HYCC2: variants seen among roughly 807,000 people sequenced by gnomAD.
HYCC2 encodes the protein hyccin 2.
the HYCC2 span, chr2:201,009,503 A>T: frequency 6.4e-6 from 1 of 156,972 alleles, no homozygotes; most frequent in Non-Finnish European, 1.4e-5. Context: ...TCTGTCTCCC[A>T]GGTTGGAGTG....
At chr2:201,028,180 CAA>C in the HYCC2 span, among the ~76,000 whole-genome samples, 28 of 152,204 alleles carry the variant, frequency 1.8e-4, no homozygotes, top group East Asian at 5.2e-3. Context: ...AACAAACAAA[CAA>C]AGAGCCAAAT....
chr2:200,996,672 C>A, the HYCC2 span: 1 of 152,146 alleles, frequency 6.6e-6, no homozygotes, highest in Non-Finnish European at 1.5e-5. Context: ...AGATTATAAT[C>A]CATGAGATAC....
the HYCC2 span, among the ~76,000 whole-genome samples, chr2:201,064,573 G>A: frequency 1.3e-5 from 2 of 152,056 alleles, no homozygotes; most frequent in East Asian, 3.9e-4. Flanking sequence ...GTTGTGACCT[G>A]AAGTTCACCA....
At chr2:201,014,129 A>G in the HYCC2 span, among the ~76,000 whole-genome samples, 2 of 152,358 alleles carry the variant, frequency 1.3e-5, no homozygotes, top group South Asian at 4.1e-4. Flanking sequence ...CCAATAAGTT[A>G]TGTCAACAAC....
At chr2:201,066,651 G>A in the HYCC2 span, 1 of 152,166 alleles carries the variant, frequency 6.6e-6, no homozygotes, top group Non-Finnish European at 1.5e-5. Context: ...TAGCTAACAA[G>A]TCTATATTAA....
chr2:200,987,048 T>C, the HYCC2 span, among the ~76,000 whole-genome samples: 1 of 152,330 alleles, frequency 6.6e-6, no homozygotes, highest in African/African-American at 2.4e-5. Flanking sequence ...AGAATAAACA[T>C]GCTCAGTAAT....
the HYCC2 span, among the ~76,000 whole-genome samples, chr2:201,040,724 A>G: frequency 1.6e-4 from 25 of 152,008 alleles, no homozygotes; most frequent in East Asian, 4.8e-3. Flanking sequence ...ACCTCAAGTG[A>G]TCCACCTGCC....
the HYCC2 span, among the ~76,000 whole-genome samples, chr2:200,991,025 T>C: frequency 6.6e-6 from 1 of 152,220 alleles, no homozygotes; most frequent in African/African-American, 2.4e-5. Context: ...TGTTTTTTAA[T>C]TGATCACTTA....
chr2:201,042,913 C>T, the HYCC2 span, among the ~76,000 whole-genome samples: 1 of 151,618 alleles, frequency 6.6e-6, no homozygotes, highest in South Asian at 2.1e-4. Flanking sequence ...TCTGCCCGGC[C>T]GCCACCCCGT....
chr2:200,989,679 T>G, the HYCC2 span, among the ~76,000 whole-genome samples: 1 of 152,012 alleles, frequency 6.6e-6, no homozygotes, highest in Non-Finnish European at 1.5e-5. Flanking sequence ...CTGGGTGTGC[T>G]GGTATGCACC....
the HYCC2 span, chr2:201,063,813 A>T: frequency 1.3e-6 from 2 of 1,590,660 alleles, no homozygotes; most frequent in South Asian, 2.2e-5. Flanking sequence ...GGCAGTGGGG[A>T]TGGCTATAAT....
At chr2:201,042,057 C>A in the HYCC2 span, among the ~76,000 whole-genome samples, 1 of 152,166 alleles carries the variant, frequency 6.6e-6, no homozygotes, top group Non-Finnish European at 1.5e-5. Flanking sequence ...AGCCTCCCTG[C>A]CTGATTCTCC....
chr2:200,993,469 T>C, the HYCC2 span, among the ~76,000 whole-genome samples: 3 of 152,180 alleles, frequency 2.0e-5, no homozygotes, highest in Non-Finnish European at 4.4e-5. Flanking sequence ...ATCCATTCAA[T>C]CTCATTAAGT....
the HYCC2 span, among the ~76,000 whole-genome samples, chr2:201,049,759 C>A: frequency 6.6e-6 from 1 of 151,914 alleles, no homozygotes; most frequent in Non-Finnish European, 1.5e-5. Flanking sequence ...CTAACCACAA[C>A]AAAAATAAGC....
the HYCC2 span, chr2:200,992,902 CCT>C: frequency 3.1e-6 from 5 of 1,602,974 alleles, no homozygotes; most frequent in Non-Finnish European, 4.3e-6. Flanking sequence ...ATAATAAACC[CCT>C]GTGAGAAGTT....
the HYCC2 span, chr2:201,045,648 T>G: frequency 2.5e-6 from 1 of 396,318 alleles, no homozygotes; most frequent in Admixed American, 4.4e-5. Flanking sequence ...CTCAAGAATG[T>G]AATACAAAGA....
At chr2:201,017,779 T>C in the HYCC2 span, among the ~76,000 whole-genome samples, 1 of 152,350 alleles carries the variant, frequency 6.6e-6, no homozygotes, top group South Asian at 2.1e-4. Context: ...GTGAAAAACA[T>C]GTTTCTTTGG....
chr2:200,988,755 A>G, the HYCC2 span, among the ~76,000 whole-genome samples: 5 of 152,218 alleles, frequency 3.3e-5, no homozygotes, highest in Non-Finnish European at 5.9e-5. Context: ...AATCTCTGAT[A>G]AACATTAGGA....
At chr2:201,024,359 T>G in the HYCC2 span, among the ~76,000 whole-genome samples, 2 of 151,978 alleles carry the variant, frequency 1.3e-5, no homozygotes, top group Non-Finnish European at 2.9e-5. Flanking sequence ...CATGGTGGCG[T>G]GCACATCCAG....
Sources: allele counts gnomAD v4.1 joint callset (sites outside exome capture counted in the v4.1 genomes callset), GRCh38; gene constraint gnomAD v4.1.1; transcripts MANE v1.5; gene names NCBI Gene and HGNC (gene_info 2026-07-23, HGNC 2026-07-21).